Variants in KHDC1 observed in about 807,000 individuals in gnomAD.
The protein encoded by KHDC1 is KH homology domain-containing protein 1.
In KHDC1, 21 loss-of-function variants were observed where a neutral mutation model predicts 24.7. The ratio of observed to expected loss-of-function variants is 0.85; its 90% CI spans 0.60 to 1.23. KHDC1 has a LOEUF of 1.23. KHDC1 is among the 50% of genes most tolerant of loss of function. The pLI is 0.00. For synonymous variants in KHDC1, 98 were observed against 111.7 expected (o/e 0.88, Z 0.77); for missense variants, 274 against 298.5 (o/e 0.92, Z 0.61).
chr6:73,309,402 G>GT (rs911508607), intron 1 of KHDC1: 159 of 742,216 alleles, frequency 2.1e-4, no homozygotes, highest in African/African-American at 6.8e-4. Flanking sequence ...CACACCCAGG[G>GT]TTTTTTTTAA....
intron 1 of KHDC1, among the ~76,000 whole-genome samples, chr6:73,307,657 G>A (rs896041783): frequency 5.3e-5 from 8 of 152,074 alleles, no homozygotes; most frequent in African/African-American, 1.9e-4. Flanking sequence ...GATTCCCTCA[G>A]GCCCCAGCCT....
chr6:73,263,264 C>T, intron 2 of KHDC1, 68 bp from the exon 1 acceptor site: 7 of 985,988 alleles, frequency 7.1e-6, no homozygotes, highest in Non-Finnish European at 8.4e-6. Flanking sequence ...CTCCCGCCTG[C>T]TCTGTGTAGG....
At chr6:73,270,064 T>G (rs1022416978) in intron 2 of KHDC1, 3 of 152,212 alleles carry the variant, frequency 2.0e-5, no homozygotes, top group South Asian at 2.1e-4. Context: ...GTGTGACCTA[T>G]TGCACCTGGC....
chr6:73,279,357 A>G (rs577250), intron 2 of KHDC1, among the ~76,000 whole-genome samples: 143,730 of 152,088 alleles, frequency 0.95, 68,445 homozygotes, highest in East Asian at 1. Flanking sequence ...GCAGTGAGCC[A>G]AGATCGCGCT....
intron 2 of KHDC1, among the ~76,000 whole-genome samples, chr6:73,285,334 CTT>C (rs750881240): frequency 1.1e-4 from 15 of 141,976 alleles, no homozygotes; most frequent in East Asian, 6.1e-4. Flanking sequence ...CATGACTCTT[CTT>C]TTTTTTTTTT....
intron 2 of KHDC1, among the ~76,000 whole-genome samples, chr6:73,261,470 A>G (rs1459142004): frequency 2.6e-5 from 4 of 151,454 alleles, no homozygotes; most frequent in Non-Finnish European, 5.9e-5. Context: ...TTTTTAAAAA[A>G]ATAAGCATAG....
intron 1 of KHDC1, among the ~76,000 whole-genome samples, chr6:73,295,879 C>T (rs1301788236): frequency 1.3e-5 from 2 of 151,344 alleles, no homozygotes; most frequent in African/African-American, 2.4e-5. Context: ...CGGTGGCTCA[C>T]GCCTGTTATC....
At chr6:73,252,469 G>A (rs1303122216) in intron 2 of KHDC1, among the ~76,000 whole-genome samples, 4 of 152,002 alleles carry the variant, frequency 2.6e-5, no homozygotes, top group African/African-American at 7.3e-5. Flanking sequence ...ATAAAGGGCC[G>A]GACAGTAAAT....
intron 2 of KHDC1, among the ~76,000 whole-genome samples, chr6:73,259,445 C>T (rs1278011002): frequency 6.6e-6 from 1 of 152,052 alleles, no homozygotes; most frequent in Non-Finnish European, 1.5e-5. Context: ...TACAGCCATG[C>T]ACTACCACAC....
At chr6:73,254,197 TGCCTGTAATCCCA>T (rs1225456035) in intron 2 of KHDC1, among the ~76,000 whole-genome samples, 1 of 151,956 alleles carries the variant, frequency 6.6e-6, no homozygotes, top group Non-Finnish European at 1.5e-5. Context: ...CAGTGGCTCA[TGCCTGTAATCCCA>T]GCCCTTTGGG....
chr6:73,282,965 G>A (rs1043997446), intron 2 of KHDC1, among the ~76,000 whole-genome samples: 16 of 152,172 alleles, frequency 1.1e-4, no homozygotes, highest in African/African-American at 3.9e-4. Flanking sequence ...CAATTCGCCT[G>A]TCTTTATAAA....
chr6:73,276,440 T>A (rs949796636), intron 2 of KHDC1: 10 of 151,450 alleles, frequency 6.6e-5, no homozygotes, highest in Non-Finnish European at 1.3e-4. Flanking sequence ...TGAACCAAGA[T>A]CATGCCACTT....
At chr6:73,270,751 C>T (rs1043671417) in intron 2 of KHDC1, among the ~76,000 whole-genome samples, 2 of 151,234 alleles carry the variant, frequency 1.3e-5, no homozygotes, top group African/African-American at 2.4e-5. Context: ...AGTGCAGTGG[C>T]GTGATCTCAG....
chr6:73,267,079 A>G (rs1767086924), intron 2 of KHDC1, among the ~76,000 whole-genome samples: 1 of 152,222 alleles, frequency 6.6e-6, no homozygotes, highest in African/African-American at 2.4e-5. Context: ...ACGATATACA[A>G]ATGGCCAATA....
intron 2 of KHDC1, among the ~76,000 whole-genome samples, chr6:73,254,811 G>T (rs1166132434): frequency 6.6e-6 from 1 of 152,056 alleles, no homozygotes; most frequent in Non-Finnish European, 1.5e-5. Context: ...GACCAGCCTG[G>T]CTAACACAGT....
rs977016520 is a variant in KHDC1, at chr6:73,253,966, T to A, written c.207-11436A>T. Reference sequence around the variant, plus strand: ...AACAGTAAAATTAGACTTAAATATATGTAAAATAATAAAAATAATAAAAAT... The same window carrying A: ...AACAGTAAAATTAGACTTAAATATAAGTAAAATAATAAAAATAATAAAAAT... On this transcript the variant is annotated intron_variant, in intron 2 of 4. Coordinates refer to ENST00000370384, the Ensembl canonical transcript of KHDC1. 2.0e-5 allele frequency among the ~76,000 whole-genome samples: 3 copies of A among 151,974 alleles called. No individual in the cohort carries two copies. The East Asian group carries it at 5.8e-4, about 29-fold the overall frequency.
chr6:73,297,138 T>A (rs1463568621), intron 1 of KHDC1, among the ~76,000 whole-genome samples: 1 of 152,100 alleles, frequency 6.6e-6, no homozygotes, highest in East Asian at 1.9e-4. Context: ...TGACCTCAGG[T>A]GATAGGCCCA....
At chr6:73,262,579 T>C (rs1267027065) in intron 2 of KHDC1, among the ~76,000 whole-genome samples, 195 bp downstream of exon 1, 1 of 139,262 alleles carries the variant, frequency 7.2e-6, no homozygotes, top group Non-Finnish European at 1.5e-5. Flanking sequence ...TTTCTTTTCT[T>C]TCTATAAGTT....
At chr6:73,300,519 C>T (rs1767854081) in intron 1 of KHDC1, 1 of 152,122 alleles carries the variant, frequency 6.6e-6, no homozygotes, top group African/African-American at 2.4e-5. Flanking sequence ...TTATTAATGC[C>T]TGTTTCCCCT....
Sources: allele counts gnomAD v4.1 joint callset (sites outside exome capture counted in the v4.1 genomes callset), GRCh38; gene constraint gnomAD v4.1.1; transcripts MANE v1.5; gene names NCBI Gene and HGNC (gene_info 2026-07-23, HGNC 2026-07-21).